Variants in UBE2E2 observed in about 807,000 individuals in gnomAD.
UBE2E2 encodes the protein ubiquitin-conjugating enzyme E2 E2.
In UBE2E2, 6 loss-of-function variants were observed where a neutral mutation model predicts 24.7. The observed-to-expected ratio is 0.24, with a 90% CI of 0.13 to 0.48. The LOEUF (loss-of-function observed/expected upper bound fraction) is 0.48, where lower values mean the gene tolerates loss of function less well. UBE2E2 is among the 20% of genes least tolerant of loss of function. The pLI is 0.99. For synonymous variants in UBE2E2, 104 were observed against 83.6 expected (o/e 1.24, Z -1.33); for missense variants, 169 against 245.0 (o/e 0.69, Z 2.07).
At chr3:23,511,638 A>T (rs2125465645) in intron 4 of UBE2E2, among the ~76,000 whole-genome samples, 1 of 152,316 alleles carries the variant, frequency 6.6e-6, no homozygotes, top group African/African-American at 2.4e-5. Flanking sequence ...GAACCTATGA[A>T]TTTCCAGAAT....
chr3:23,427,017 C>T (rs1351824461), intron 3 of UBE2E2, among the ~76,000 whole-genome samples: 4 of 151,956 alleles, frequency 2.6e-5, no homozygotes, highest in Non-Finnish European at 4.4e-5. Context: ...TTATTAAGTA[C>T]TTGTGTTACC....
rs71974866 is a variant in UBE2E2, at chr3:23,407,647, ATGTG to A, written c.228-91921_228-91918del. On this transcript the variant is annotated intron_variant, in intron 3 of 5. Coordinates refer to ENST00000396703, the MANE Select transcript of UBE2E2 (RefSeq NM_152653.4). The surrounding 1 kb of genome is among the most constrained non-coding windows in gnomAD (Gnocchi z 4.0). Reference sequence around the variant, plus strand: ...TGTGTGTTTGTGTGTGCATGCGTGCATGTGTGTGTGTGTGTGTGTGTGTGTGTGT... The same window carrying A: ...TGTGTGTTTGTGTGTGCATGCGTGCATGTGTGTGTGTGTGTGTGTGTGTGT... 0.22 allele frequency among the ~76,000 whole-genome samples: 30,448 copies of A among 137,890 alleles called. 3,236 individuals are homozygous for A. Among genetic ancestry groups the A allele is most frequent in the African/African-American group, 0.26 (9,876 of 37,354 alleles). 90.5% of individuals were successfully genotyped at this position (137,890 alleles called of 152,430 possible).
intron 3 of UBE2E2, among the ~76,000 whole-genome samples, chr3:23,468,116 C>G (rs79670966): frequency 0.013 from 1,952 of 152,240 alleles, 44 homozygotes; most frequent in African/African-American, 0.045. Context: ...AGAGAGCCTC[C>G]TTATTCTTGC....
rs569900382 is a variant in UBE2E2 at position 23,466,936 on chromosome 3, G to T, written c.228-32672G>T. The stretch of plus-strand genomic sequence containing the variant: ...ATTATTTGCCAGCTCCTTCACAATG[G>T]GAGAGGCTCTGCAGAATTTACTGTG... On this transcript the variant is annotated intron_variant, in intron 3 of 5. Transcript: ENST00000396703. 1.9e-4 allele frequency among the ~76,000 whole-genome samples: 29 copies of T among 152,206 alleles called. 1 individual carries two copies. In the South Asian group the frequency reaches 5.0e-3, roughly 26 times the overall value.
intron 3 of UBE2E2, among the ~76,000 whole-genome samples, chr3:23,242,231 C>A (rs1446218510): frequency 6.6e-6 from 1 of 152,020 alleles, no homozygotes; most frequent in Non-Finnish European, 1.5e-5. Context: ...CAAGCCTGGC[C>A]AAGTCTGATG....
At chr3:23,331,435 T>C (rs928531127) in intron 3 of UBE2E2, among the ~76,000 whole-genome samples, 1 of 150,998 alleles carries the variant, frequency 6.6e-6, no homozygotes, top group Non-Finnish European at 1.5e-5. Context: ...TATGTCAAAA[T>C]GTAATAAATA....
chr3:23,343,279 AT>A (rs1695452931), intron 3 of UBE2E2, among the ~76,000 whole-genome samples: 1 of 152,156 alleles, frequency 6.6e-6, no homozygotes, highest in African/African-American at 2.4e-5. Flanking sequence ...AGTATATTCA[AT>A]TTAAAAACTT....
rs151331945 is a variant in UBE2E2, at chr3:23,378,591, C to G, written c.228-121017C>G. Among the ~76,000 whole-genome samples the G allele has an allele frequency of 2.5e-3, 383 of 152,280 alleles. 3 individuals are homozygous for G. Among genetic ancestry groups the G allele is most frequent in the African/African-American group, 8.8e-3 (367 of 41,562 alleles). On this transcript the variant is annotated intron_variant, in intron 3 of 5. Coordinates refer to ENST00000396703, the MANE Select transcript of UBE2E2 (RefSeq NM_152653.4). ...ATATGTAAAATATTTATAGATAGCT[C>G]TCAATTTTTAAAAAGTAATGTACAG... is the stretch of plus-strand genomic sequence containing the variant.
rs114588398 is a variant in UBE2E2 at position 23,399,816 on chromosome 3, A to G, written c.228-99792A>G. 5.2e-3 allele frequency among the ~76,000 whole-genome samples: 795 copies of G among 152,328 alleles called. 6 individuals carry two copies. The highest frequency in any genetic ancestry group is 0.018 in the African/African-American group (749 of 41,580). On this transcript the variant is annotated intron_variant, in intron 3 of 5. Coordinates refer to ENST00000396703, the MANE Select transcript of UBE2E2 (RefSeq NM_152653.4). ...GTACTGTTTATCATTTGCATCATGA[A>G]ACATTTTTATTCACATTAATATATT...
At chr3:23,446,872 C>G (rs1355204570) in intron 3 of UBE2E2, among the ~76,000 whole-genome samples, 1 of 152,028 alleles carries the variant, frequency 6.6e-6, no homozygotes, top group African/African-American at 2.4e-5. Context: ...CTCACTCTGA[C>G]CAGAAGAGCG....
In UBE2E2 at chr3:23,583,510, T is replaced by G. The variant is rs576607103; in HGVS notation, c.509-6224T>G. Among the ~76,000 whole-genome samples the G allele has an allele frequency of 3.9e-4, 59 of 152,340 alleles. No individual in the cohort carries two copies. The highest frequency in any genetic ancestry group is 1.3e-3 in the African/African-American group (56 of 41,580). The stretch of plus-strand genomic sequence containing the variant: ...TAGAAATAGCGTTGCACCTGTAAAT[T>G]GCTTTGGGCAGTATGGCCATTTTAA... On this transcript the variant is annotated intron_variant, in intron 5 of 5. Coordinates refer to ENST00000396703, the MANE Select transcript of UBE2E2 (RefSeq NM_152653.4). This position sits in a 1 kb window ranked among gnomAD's most constrained non-coding sequence, Gnocchi z 4.1.
At chr3:23,318,362 A>G (rs1433805537) in intron 3 of UBE2E2, among the ~76,000 whole-genome samples, 4 of 152,178 alleles carry the variant, frequency 2.6e-5, no homozygotes, top group African/African-American at 7.2e-5. Flanking sequence ...AGATTATACA[A>G]TTAGCACTAA....
intron 3 of UBE2E2, among the ~76,000 whole-genome samples, chr3:23,446,453 G>A (rs1698431652): frequency 6.6e-6 from 1 of 152,158 alleles, no homozygotes; most frequent in Non-Finnish European, 1.5e-5. Context: ...GGAATGTGAA[G>A]ATATCCCGGC....
At position 23,499,754 on chromosome 3, in the gene UBE2E2, T is replaced by C; in HGVS notation, c.360+14T>C. The C allele has an allele frequency of 1.2e-6, 2 of 1,607,062 alleles. No individual in the cohort carries two copies. The highest frequency in any genetic ancestry group is 1.7e-6 in the Non-Finnish European group (2 of 1,178,238). On this transcript the variant is annotated intron_variant, in intron 4 of 5. Transcript: ENST00000396703. The stretch of plus-strand genomic sequence containing the variant: ...AAACCCCCTAAGGTCAGTATGAAGT[T>C]TTCATTGATTTTTAGCAATATGGAT...
chr3:23,487,390 C>T (rs1350651286), intron 3 of UBE2E2, among the ~76,000 whole-genome samples: 1 of 152,192 alleles, frequency 6.6e-6, no homozygotes, highest in Non-Finnish European at 1.5e-5. Flanking sequence ...AGGCTCCCAC[C>T]CTACCAACTC....
Position 23,261,884 on chromosome 3 carries a change from C to T in UBE2E2, c.227+44572C>T, listed in dbSNP as rs1697911245. 5.3e-5 allele frequency among the ~76,000 whole-genome samples: 8 copies of T among 152,252 alleles called. No individual in the cohort carries two copies. In the South Asian group the frequency reaches 1.7e-3, roughly 32 times the overall value. On this transcript the variant is annotated intron_variant, in intron 3 of 5. Transcript: ENST00000396703. ...CTTTATTCATTTATAGGTGTATGGG[C>T]ACTTAGGTCATTTCTATATCTTGGC... is the stretch of plus-strand genomic sequence containing the variant.
intron 3 of UBE2E2, among the ~76,000 whole-genome samples, chr3:23,403,996 T>G (rs2125374270): frequency 6.6e-6 from 1 of 152,286 alleles, no homozygotes; most frequent in African/African-American, 2.4e-5. Context: ...TTCTCCCCAT[T>G]GCCATCTCAT....
intron 3 of UBE2E2, among the ~76,000 whole-genome samples, chr3:23,263,496 T>G (rs1318928855): frequency 1.3e-5 from 2 of 152,240 alleles, no homozygotes; most frequent in Non-Finnish European, 1.5e-5. Flanking sequence ...ATTCAGTCCC[T>G]TATTGCTTGA....
intron 3 of UBE2E2, among the ~76,000 whole-genome samples, chr3:23,307,206 T>TG (rs1699261070): frequency 6.6e-6 from 1 of 152,148 alleles, no homozygotes; most frequent in Admixed American, 6.6e-5. Context: ...TATATACTGT[T>TG]GCAGTTTCAT....
Sources: gnomAD v4.1 joint callset for allele counts (sites outside exome capture counted in the v4.1 genomes callset) on GRCh38, gnomAD v4.1.1 for gene constraint, Gnocchi (gnomAD v3.1) non-coding constraint, MANE v1.5 for transcripts, NCBI Gene and HGNC (gene_info 2026-07-23, HGNC 2026-07-21) for gene names.